WWOX: variants seen among roughly 807,000 people sequenced by gnomAD.
WWOX encodes the protein WW domain-containing oxidoreductase.
WWOX carries 69 observed loss-of-function variants against 46.2 expected under a neutral mutation model. That is an observed-to-expected ratio of 1.49 (90% CI 1.23 to 1.82). The LOEUF is 1.82. Ranked by LOEUF, WWOX falls within the 40% of genes most tolerant of loss-of-function variation. The probability of loss-of-function intolerance (pLI) is 0.00; values close to 1 mark genes in which losing one functional copy is unlikely to be tolerated. For synonymous variants in WWOX, 359 were observed against 202.6 expected, an observed-to-expected ratio of 1.77 and a Z score of -6.56; for missense variants, 919 against 542.6, an observed-to-expected ratio of 1.69 and a Z score of -6.89.
intron 8 of WWOX, among the ~76,000 whole-genome samples, chr16:78,903,795 C>G (rs975655697): frequency 2.0e-5 from 3 of 152,218 alleles, no homozygotes; most frequent in African/African-American, 7.2e-5. Flanking sequence ...CTAGCTCAAT[C>G]ATGCTGAGAG....
intron 8 of WWOX, among the ~76,000 whole-genome samples, chr16:79,148,248 G>C (rs1357260890): frequency 1.3e-5 from 2 of 152,006 alleles, no homozygotes; most frequent in African/African-American, 4.8e-5. Context: ...GTTAATTTTT[G>C]TATAAGATGT....
At chr16:79,100,706 T>C (rs1597375856) in intron 8 of WWOX, among the ~76,000 whole-genome samples, 1 of 152,148 alleles carries the variant, frequency 6.6e-6, no homozygotes, top group African/African-American at 2.4e-5. Context: ...AAGGGGGTGC[T>C]TCAGCACCTT....
intron 5 of WWOX, among the ~76,000 whole-genome samples, chr16:78,321,411 T>C (rs1315136509): frequency 7.2e-6 from 1 of 139,096 alleles, no homozygotes; most frequent in Non-Finnish European, 1.5e-5. Context: ...TACGTATATA[T>C]ATATGTGTGT....
intron 8 of WWOX, among the ~76,000 whole-genome samples, chr16:78,959,666 C>A (rs76750391): frequency 6.6e-6 from 1 of 152,158 alleles, no homozygotes; most frequent in African/African-American, 2.4e-5. Flanking sequence ...CAAAATTTGT[C>A]GGATAGACTG....
chr16:78,286,962 T>G (rs988157982), intron 5 of WWOX, among the ~76,000 whole-genome samples: 1 of 152,232 alleles, frequency 6.6e-6, no homozygotes, highest in African/African-American at 2.4e-5. Context: ...AAAGTTCATT[T>G]TATCTTAGCA....
intron 8 of WWOX, among the ~76,000 whole-genome samples, chr16:78,558,755 C>T (rs1242455179): frequency 6.6e-6 from 1 of 152,236 alleles, no homozygotes; most frequent in Non-Finnish European, 1.5e-5. Flanking sequence ...TTGGAAAGGC[C>T]TGGCCTTTGT....
chr16:79,150,095 G>C (rs1171668368), intron 8 of WWOX, among the ~76,000 whole-genome samples: 2 of 152,322 alleles, frequency 1.3e-5, no homozygotes, highest in East Asian at 3.9e-4. Flanking sequence ...AAGACTCACA[G>C]ATGTGATTCA....
chr16:78,708,719 G>T (rs760307776), intron 8 of WWOX, among the ~76,000 whole-genome samples: 5 of 152,096 alleles, frequency 3.3e-5, no homozygotes, highest in Admixed American at 6.5e-5. Flanking sequence ...ATTATTGTCC[G>T]CACTCCAAAA....
intron 8 of WWOX, among the ~76,000 whole-genome samples, chr16:78,746,834 AAAAT>A (rs1435684563): frequency 3.9e-5 from 6 of 152,182 alleles, no homozygotes; most frequent in Admixed American, 3.9e-4. Flanking sequence ...GTGAGTGAGG[AAAAT>A]AAATATTTGA....
intron 8 of WWOX, among the ~76,000 whole-genome samples, chr16:79,197,910 G>T (rs1192520575): frequency 3.3e-5 from 5 of 152,166 alleles, no homozygotes; most frequent in Admixed American, 2.6e-4. Flanking sequence ...ATGCTTCCCA[G>T]CCTCTAGGAA....
intron 8 of WWOX, among the ~76,000 whole-genome samples, chr16:78,728,312 C>G (rs28515542): frequency 1.9e-3 from 294 of 152,150 alleles, no homozygotes; most frequent in African/African-American, 6.9e-3. Context: ...TCAAGCGATT[C>G]TCCCGCCTTG....
chr16:78,353,711 GAGA>G (rs750611760), intron 5 of WWOX, among the ~76,000 whole-genome samples: 6 of 152,210 alleles, frequency 3.9e-5, no homozygotes, highest in Non-Finnish European at 7.3e-5. Context: ...GCTCACCTTG[GAGA>G]AGAACTTAAG....
At position 78,467,029 on chromosome 16, in the gene WWOX, C is replaced by T. The variant is rs111416940; in HGVS notation, c.1056+34277C>T. Among the ~76,000 whole-genome samples, 129 of 152,230 alleles carry T rather than the reference C, an allele frequency of 8.5e-4. 1 individual carries two copies. Among genetic ancestry groups the T allele is most frequent in the African/African-American group, 3.0e-3 (125 of 41,530 alleles). On this transcript the variant is annotated intron_variant, in intron 8 of 8. Transcript: ENST00000566780. Reference sequence around the variant, plus strand: ...CAGAGCCATGGGGACACTAAACGTACCTTATCTCTTGACCATGCTATTGAT... The same window carrying T: ...CAGAGCCATGGGGACACTAAACGTATCTTATCTCTTGACCATGCTATTGAT...
At chr16:79,021,433 C>T (rs764444388) in intron 8 of WWOX, among the ~76,000 whole-genome samples, 6 of 152,006 alleles carry the variant, frequency 3.9e-5, no homozygotes, top group African/African-American at 9.7e-5. Context: ...ATAAAACGCA[C>T]GGGATCACAG....
In WWOX at chr16:78,426,418, A is replaced by G. The variant is rs1430913759; in HGVS notation, c.791+1363A>G. Among the ~76,000 whole-genome samples, 3 of 152,202 alleles carry G rather than the reference A, an allele frequency of 2.0e-5. No homozygotes were observed. In the South Asian group the frequency reaches 6.2e-4, roughly 32 times the overall value. ...CACTCTCCTTGTAAATCTGTATCTCAAATGGTATTTCGTGTGACGTCTTTG... is the reference window on the plus strand; with the variant it reads ...CACTCTCCTTGTAAATCTGTATCTCGAATGGTATTTCGTGTGACGTCTTTG... On this transcript the variant is annotated intron_variant, in intron 7 of 8. Coordinates refer to ENST00000566780, the MANE Select transcript of WWOX (RefSeq NM_016373.4).
chr16:78,577,074 A>C (rs993701532), intron 8 of WWOX, among the ~76,000 whole-genome samples: 4 of 152,310 alleles, frequency 2.6e-5, no homozygotes, highest in East Asian at 1.9e-4. Context: ...CTCAGGTTGA[A>C]AGTTGAGTCA....
intron 8 of WWOX, among the ~76,000 whole-genome samples, chr16:78,849,350 T>A (rs966360174): frequency 1.8e-4 from 27 of 149,638 alleles, no homozygotes; most frequent in Admixed American, 1.6e-3. Context: ...GCGGGGGGGA[T>A]CACGAGGTCG....
intron 8 of WWOX, among the ~76,000 whole-genome samples, chr16:78,806,745 T>G (rs1001510738): frequency 6.6e-6 from 1 of 152,180 alleles, no homozygotes; most frequent in Non-Finnish European, 1.5e-5. Context: ...TTTTAGGCTG[T>G]CAGACCCACC....
At chr16:78,605,323 A>T (rs1412342141) in intron 8 of WWOX, among the ~76,000 whole-genome samples, 1 of 151,360 alleles carries the variant, frequency 6.6e-6, no homozygotes, top group Non-Finnish European at 1.5e-5. Flanking sequence ...GGCATGTCTT[A>T]TATAATCAAT....
Sources: allele counts gnomAD v4.1 joint callset (sites outside exome capture counted in the v4.1 genomes callset), GRCh38; gene constraint gnomAD v4.1.1; transcripts MANE v1.5; gene names NCBI Gene and HGNC (gene_info 2026-07-23, HGNC 2026-07-21).